The following MALRD1 variants were observed in gnomAD, a reference collection of about 807,000 sequenced individuals.
The protein encoded by MALRD1 is MAM and LDL-receptor class A domain-containing protein 1.
A neutral mutation model predicts 242.1 loss-of-function variants in MALRD1; 247 were observed. The observed-to-expected ratio is 1.02, with a 90% confidence interval of 0.92 to 1.13. The LOEUF (loss-of-function observed/expected upper bound fraction) is 1.13. MALRD1 is among the 50% of genes most tolerant of loss of function. The pLI, the probability that MALRD1 is intolerant of heterozygous loss-of-function variation, is 0.00. For missense variants in MALRD1, 2,989 were observed against 2,533.1 expected, an observed-to-expected ratio of 1.18 and a Z score of -3.86; for synonymous variants, 995 against 866.6, an observed-to-expected ratio of 1.15 and a Z score of -2.60.
intron 32 of MALRD1, among the ~76,000 whole-genome samples, chr10:19,565,060 A>G (rs996507871): frequency 6.6e-6 from 1 of 152,140 alleles, no homozygotes; most frequent in Non-Finnish European, 1.5e-5. Flanking sequence ...TACTAATGAA[A>G]TAACCTACAA....
In MALRD1 at chr10:19,454,405, G is replaced by GATATATATATATATATATATATATAT. The variant is rs141643131; in HGVS notation, c.5029+3917_5029+3942dup. On this transcript the variant is annotated intron_variant, in intron 29 of 39. Transcript: ENST00000454679. ...ATGAGGAAAGGTAGATTATGCATAT[G>GATATATATATATATATATATATATAT]ATATATATATATATATATATATATA... 2.0e-3 allele frequency among the ~76,000 whole-genome samples: 157 copies of GATATATATATATATATATATATATAT among 80,370 alleles called. 2 individuals carry two copies. Among genetic ancestry groups the GATATATATATATATATATATATATAT allele is most frequent in the African/African-American group, 2.8e-3 (51 of 18,104 alleles). 52.7% of individuals were successfully genotyped at this position (80,370 alleles called of 152,430 possible).
At chr10:19,701,478 G>C (rs1451330607) in intron 38 of MALRD1, among the ~76,000 whole-genome samples, 1 of 152,078 alleles carries the variant, frequency 6.6e-6, no homozygotes, top group Admixed American at 6.6e-5. Context: ...TTTCTCATAT[G>C]TCCTTTTCTT....
chr10:19,422,179 T>C (rs1222369075), intron 28 of MALRD1, among the ~76,000 whole-genome samples: 4 of 152,208 alleles, frequency 2.6e-5, no homozygotes, highest in Non-Finnish European at 5.9e-5. Flanking sequence ...TCTAACCTCA[T>C]GTTGGCATTA....
intron 36 of MALRD1, among the ~76,000 whole-genome samples, chr10:19,649,333 A>G (rs1840772553): frequency 6.6e-6 from 1 of 152,172 alleles, no homozygotes; most frequent in Non-Finnish European, 1.5e-5. Flanking sequence ...AGAATAATTG[A>G]ACTAATTTAT....
intron 36 of MALRD1, among the ~76,000 whole-genome samples, chr10:19,667,362 G>C (rs1421002444): frequency 6.6e-6 from 1 of 152,132 alleles, no homozygotes; most frequent in Admixed American, 6.5e-5. Flanking sequence ...ATGAGGTACT[G>C]TTCCAGTGTT....
intron 14 of MALRD1, among the ~76,000 whole-genome samples, chr10:19,192,998 C>T (rs1471673367): frequency 6.6e-6 from 1 of 151,878 alleles, no homozygotes; most frequent in Non-Finnish European, 1.5e-5. Flanking sequence ...CTAGGGTGTG[C>T]CTATGTGGGT....
chr10:19,112,578 A>G (rs1223761102), intron 5 of MALRD1, among the ~76,000 whole-genome samples: 1 of 152,110 alleles, frequency 6.6e-6, no homozygotes, highest in South Asian at 2.1e-4. Context: ...TTGTCACTTT[A>G]TGGCTATAAG....
chr10:19,161,550 C>CAAAAAAAAAAAAAAAAAAAAAAAAAACCA, intron 12 of MALRD1, among the ~76,000 whole-genome samples: 1 of 60,838 alleles, frequency 1.6e-5, no homozygotes, highest in Non-Finnish European at 3.0e-5. Context: ...AAAAAAAAAG[C>CAAAAAAAAAAAAAAAAAAAAAAAAAACCA]AAAAAAAAAA....
At chr10:19,363,224 A>G (rs142273562) in intron 26 of MALRD1, among the ~76,000 whole-genome samples, 1 of 152,268 alleles carries the variant, frequency 6.6e-6, no homozygotes, top group African/African-American at 2.4e-5. Flanking sequence ...TTATTCCTTG[A>G]AGAATGAATA....
intron 2 of MALRD1, among the ~76,000 whole-genome samples, chr10:19,077,795 C>T (rs1000663499): frequency 3.3e-5 from 5 of 151,892 alleles, no homozygotes; most frequent in Non-Finnish European, 2.9e-5. Context: ...CTACCACCTA[C>T]CAGTTGTTTA....
At chr10:19,571,829 C>A (rs1434066363) in intron 33 of MALRD1, among the ~76,000 whole-genome samples, 2 of 152,114 alleles carry the variant, frequency 1.3e-5, no homozygotes, top group Non-Finnish European at 2.9e-5. Flanking sequence ...ACCAAGGCGC[C>A]TGAATTAACA....
At chr10:19,446,028 A>C (rs915396991) in intron 28 of MALRD1, among the ~76,000 whole-genome samples, 2 of 151,826 alleles carry the variant, frequency 1.3e-5, no homozygotes, top group Non-Finnish European at 2.9e-5. Context: ...TCTCAGTTCA[A>C]TCTCAGACTG....
intron 36 of MALRD1, among the ~76,000 whole-genome samples, chr10:19,617,561 T>A (rs963422389): frequency 5.9e-5 from 9 of 152,036 alleles, no homozygotes; most frequent in African/African-American, 1.9e-4. Flanking sequence ...TAAAATTACG[T>A]ACTAAAAAAG....
chr10:19,399,214 A>T (rs1392425406), intron 28 of MALRD1, among the ~76,000 whole-genome samples: 2 of 152,184 alleles, frequency 1.3e-5, no homozygotes, highest in Non-Finnish European at 2.9e-5. Flanking sequence ...TCTGTGTAGG[A>T]ATCCTGAGAG....
intron 10 of MALRD1, among the ~76,000 whole-genome samples, chr10:19,144,331 A>C (rs1833654140): frequency 6.6e-6 from 1 of 152,212 alleles, no homozygotes. Flanking sequence ...TTGAATCTGC[A>C]ACAAGGAACC....
intron 36 of MALRD1, among the ~76,000 whole-genome samples, chr10:19,677,671 A>G (rs1353578544): frequency 6.6e-6 from 1 of 152,176 alleles, no homozygotes; most frequent in Admixed American, 6.5e-5. Context: ...CTTTAGTATA[A>G]TTAGATCCCA....
intron 33 of MALRD1, among the ~76,000 whole-genome samples, chr10:19,573,625 T>C (rs2131481536): frequency 6.6e-6 from 1 of 152,284 alleles, no homozygotes; most frequent in Admixed American, 6.5e-5. Flanking sequence ...TTACTACTCA[T>C]TGGACCTGAT....
At chr10:19,435,782 C>G (rs1834328436) in intron 28 of MALRD1, among the ~76,000 whole-genome samples, 1 of 152,126 alleles carries the variant, frequency 6.6e-6, no homozygotes, top group Admixed American at 6.6e-5. Flanking sequence ...CAGAAGAAAT[C>G]CACTGTGTGC....
chr10:19,526,865 T>C (rs1834124961), intron 31 of MALRD1, among the ~76,000 whole-genome samples: 1 of 152,134 alleles, frequency 6.6e-6, no homozygotes, highest in Admixed American at 6.5e-5. Flanking sequence ...TTCTACGAAG[T>C]CATATCTTTG....
Sources: allele counts gnomAD v4.1 joint callset (sites outside exome capture counted in the v4.1 genomes callset), GRCh38; gene constraint gnomAD v4.1.1; transcripts MANE v1.5; gene names NCBI Gene and HGNC (gene_info 2026-07-23, HGNC 2026-07-21).